Variants in PLA2G4A observed in about 807,000 individuals in gnomAD.
The protein encoded by PLA2G4A is cytosolic phospholipase A2.
A neutral mutation model predicts 81.9 loss-of-function variants in PLA2G4A; 40 were observed. The ratio of observed to expected loss-of-function variants is 0.49; its 90% CI spans 0.38 to 0.64. The LOEUF is 0.64. PLA2G4A is among the 30% of genes least tolerant of loss of function. The pLI is 0.00. For synonymous variants in PLA2G4A, 302 were observed against 296.9 expected, an observed-to-expected ratio of 1.02 and a Z score of -0.18; for missense variants, 715 against 905.1, an observed-to-expected ratio of 0.79 and a Z score of 2.69.
chr1:186,844,447 C>T lies in PLA2G4A; in HGVS notation c.-69-9839C>T, dbSNP rs975497365. Among the ~76,000 whole-genome samples the T allele has an allele frequency of 3.3e-5, 5 of 152,304 alleles. No individual in the cohort carries two copies. The East Asian group carries it at 9.7e-4, about 29-fold the overall frequency. ...ATGCTCTCTTTGCTTTTAGAATATG[C>T]TTCCATATCCAGTATAGTGGAGAAA... On this transcript the variant is annotated intron_variant, in intron 1 of 17. Transcript: ENST00000367466.
intron 14 of PLA2G4A, among the ~76,000 whole-genome samples, chr1:186,964,222 C>T (rs916214942): frequency 6.6e-6 from 1 of 152,090 alleles, no homozygotes; most frequent in Admixed American, 6.6e-5. Flanking sequence ...AGAGTGTGGA[C>T]AAGGGAACAG....
rs1459544095 is a variant in PLA2G4A at position 186,977,726 on chromosome 1, A to G, written c.1898A>G (p.Asp633Gly). 6.2e-7 allele frequency: 1 copy of G among 1,613,844 alleles called. No homozygotes were observed. ...CCCAAGAATCCTGATATGGAGAAAG[A>G]TTGCCCAACCATCATCCACTTTGTT... is the stretch of plus-strand genomic sequence containing the variant. ...FKPKNPDMEK[D>G]CPTIIHFVLA... Residue 633 changes from aspartate to glycine, a missense_variant, in exon 16 of 18, where the codon GAT (aspartate) becomes GGT (glycine). Coordinates refer to ENST00000367466, the MANE Select transcript of PLA2G4A (RefSeq NM_024420.3).
chr1:186,927,326 G>A (rs1286889020), intron 7 of PLA2G4A, among the ~76,000 whole-genome samples: 1 of 152,144 alleles, frequency 6.6e-6, no homozygotes, highest in Non-Finnish European at 1.5e-5. Context: ...TTTTCTTTGA[G>A]CAAGATATAT....
chr1:186,921,997 G>C (rs1024421916), intron 7 of PLA2G4A, among the ~76,000 whole-genome samples: 3 of 152,060 alleles, frequency 2.0e-5, no homozygotes, highest in Non-Finnish European at 4.4e-5. Flanking sequence ...TCTAATGCTG[G>C]CCAGTCTATC....
chr1:186,964,549 C>T (rs1657067995), intron 14 of PLA2G4A, among the ~76,000 whole-genome samples: 1 of 152,088 alleles, frequency 6.6e-6, no homozygotes, highest in Non-Finnish European at 1.5e-5. Context: ...CTGGATCCCA[C>T]CCTCCCAATC....
rs12720705 is a variant in PLA2G4A, at chr1:186,988,247, G to A, written c.2119-130G>A. On this transcript the variant is annotated intron_variant, in intron 17 of 17. Transcript: ENST00000367466. The stretch of plus-strand genomic sequence containing the variant: ...GAATTTAAATGTGTATGCATGACTC[G>A]TAGATTTCTATTCATATATGTCAAA... 1.9e-3 allele frequency: 1,236 copies of A among 666,154 alleles called. 11 individuals carry two copies. The highest frequency in any genetic ancestry group is 0.018 in the African/African-American group (1,003 of 54,392). 41.3% of individuals were successfully genotyped at this position (666,154 alleles called of 1,614,324 possible).
chr1:186,981,608 T>C (rs1409910814), intron 17 of PLA2G4A, among the ~76,000 whole-genome samples: 2 of 152,222 alleles, frequency 1.3e-5, no homozygotes, highest in Non-Finnish European at 2.9e-5. Context: ...TTTTTAAGTG[T>C]ACAGTTTAGT....
At chr1:186,937,096 G>T (rs1243502751) in intron 8 of PLA2G4A, among the ~76,000 whole-genome samples, 1 of 151,380 alleles carries the variant, frequency 6.6e-6, no homozygotes, top group African/African-American at 2.4e-5. Context: ...ACCATGAAAA[G>T]ATTATCCAAC....
intron 8 of PLA2G4A, among the ~76,000 whole-genome samples, chr1:186,936,968 G>A (rs1432336567): frequency 6.6e-6 from 1 of 151,272 alleles, no homozygotes; most frequent in Non-Finnish European, 1.5e-5. Context: ...AAACATTATT[G>A]GTAAAGAGAT....
intron 15 of PLA2G4A, among the ~76,000 whole-genome samples, chr1:186,966,450 T>C (rs1429289967): frequency 1.3e-5 from 2 of 152,088 alleles, no homozygotes; most frequent in Non-Finnish European, 2.9e-5. Context: ...TGAAGATTTA[T>C]CATTAGGTAT....
intron 17 of PLA2G4A, among the ~76,000 whole-genome samples, chr1:186,980,697 T>C (rs12720699): frequency 0.07 from 10,654 of 152,178 alleles, 462 homozygotes; most frequent in East Asian, 0.16. Context: ...CTTGTTTCGT[T>C]TGGCCTGAGA....
At chr1:186,900,635 G>A (rs546989853) in intron 5 of PLA2G4A, among the ~76,000 whole-genome samples, 4 of 152,168 alleles carry the variant, frequency 2.6e-5, no homozygotes, top group African/African-American at 9.7e-5. Context: ...ATTTTAAAGT[G>A]GGAAGGTCTA....
At chr1:186,873,259 A>G (rs1029006378) in intron 3 of PLA2G4A, among the ~76,000 whole-genome samples, 1 of 152,138 alleles carries the variant, frequency 6.6e-6, no homozygotes, top group African/African-American at 2.4e-5. Context: ...AGGAATTTTG[A>G]TGATATTTCT....
chr1:186,979,563 TAA>T, intron 17 of PLA2G4A, 91 bp downstream of exon 17: 1 of 908,716 alleles, frequency 1.1e-6, no homozygotes, highest in Non-Finnish European at 1.8e-6. Context: ...AATAAAAAAA[TAA>T]GTGTTATGAA....
intron 10 of PLA2G4A, among the ~76,000 whole-genome samples, chr1:186,944,059 G>T (rs1273150611): frequency 1.3e-5 from 2 of 152,116 alleles, no homozygotes; most frequent in Non-Finnish European, 2.9e-5. Context: ...GAGGCCTAAA[G>T]GTTATCGGTG....
intron 3 of PLA2G4A, among the ~76,000 whole-genome samples, chr1:186,874,786 A>G (rs902136124): frequency 2.0e-5 from 3 of 152,058 alleles, no homozygotes; most frequent in Admixed American, 1.3e-4. Context: ...TATTCAAGCC[A>G]ATTTTATAAG....
At chr1:186,931,750 G>A (rs1394262491) in intron 7 of PLA2G4A, among the ~76,000 whole-genome samples, 1 of 152,022 alleles carries the variant, frequency 6.6e-6, no homozygotes. Flanking sequence ...TCAGGGATCA[G>A]GTGCCAATAC....
intron 17 of PLA2G4A, among the ~76,000 whole-genome samples, chr1:186,980,115 T>C (rs1237414381): frequency 6.6e-6 from 1 of 151,986 alleles, no homozygotes; most frequent in Non-Finnish European, 1.5e-5. Flanking sequence ...GCCCGGCTAA[T>C]TTTTTTGTGT....
chr1:186,847,972 T>C (rs1357012981), intron 1 of PLA2G4A, among the ~76,000 whole-genome samples: 1 of 152,150 alleles, frequency 6.6e-6, no homozygotes, highest in Non-Finnish European at 1.5e-5. Context: ...AAAGAAAACA[T>C]GTATGAGTAT....
Sources: gnomAD v4.1 joint callset for allele counts (sites outside exome capture counted in the v4.1 genomes callset) on GRCh38, gnomAD v4.1.1 for gene constraint, MANE v1.5 for transcripts, NCBI Gene and HGNC (gene_info 2026-07-23, HGNC 2026-07-21) for gene names.